Variants in IGSF11 observed in about 807,000 individuals in gnomAD.
The protein encoded by IGSF11 is CXADR like 1.
Under a neutral mutation model 41.0 loss-of-function variants are expected in IGSF11, and 22 were observed. The observed-to-expected ratio is 0.54, with a 90% CI of 0.38 to 0.77. The LOEUF is 0.77. IGSF11 is among the 30% of genes least tolerant of loss of function. The pLI is 0.00. For missense variants in IGSF11, 444 were observed against 530.8 expected (o/e 0.84, Z 1.61); for synonymous variants, 219 against 201.3 (o/e 1.09, Z -0.74).
chr3:119,005,311 G>C (rs549099814), intron 1 of IGSF11, among the ~76,000 whole-genome samples: 137 of 148,368 alleles, frequency 9.2e-4, no homozygotes, highest in South Asian at 5.6e-3. Context: ...TTTTCCATTT[G>C]CTTGGTAGAT....
At chr3:119,086,665 T>C (rs2076680123) in intron 1 of IGSF11, among the ~76,000 whole-genome samples, 1 of 152,066 alleles carries the variant, frequency 6.6e-6, no homozygotes, top group Non-Finnish European at 1.5e-5. Context: ...CCCACCAAAC[T>C]AAACTTCATG....
intron 1 of IGSF11, among the ~76,000 whole-genome samples, chr3:119,047,368 T>A (rs1227858903): frequency 6.6e-6 from 1 of 152,092 alleles, no homozygotes; most frequent in African/African-American, 2.4e-5. Flanking sequence ...TAAAACAGAC[T>A]TTAAACCAAC....
intron 1 of IGSF11, among the ~76,000 whole-genome samples, chr3:118,932,499 GATAGAAC>G (rs1277247611): frequency 6.6e-6 from 1 of 152,168 alleles, no homozygotes; most frequent in Non-Finnish European, 1.5e-5. Context: ...AACTGTCTGT[GATAGAAC>G]ATAAAGCATT....
At chr3:119,040,082 G>T (rs1941063455) in intron 1 of IGSF11, among the ~76,000 whole-genome samples, 1 of 152,162 alleles carries the variant, frequency 6.6e-6, no homozygotes, top group Admixed American at 6.5e-5. Context: ...AGAAATTATG[G>T]TTTAGGAGTC....
chr3:118,970,239 G>C (rs972738871), intron 1 of IGSF11, among the ~76,000 whole-genome samples: 4 of 152,156 alleles, frequency 2.6e-5, no homozygotes, highest in African/African-American at 9.7e-5. Flanking sequence ...TGCAGTAAGA[G>C]ATATGCTACG....
chr3:118,924,367 T>C (rs1323982243), intron 4 of IGSF11, among the ~76,000 whole-genome samples: 1 of 149,586 alleles, frequency 6.7e-6, no homozygotes, highest in Non-Finnish European at 1.5e-5. Flanking sequence ...ACATAATTAG[T>C]AAAGTAAATC....
At chr3:118,911,196 A>G (rs1018873794) in intron 4 of IGSF11, among the ~76,000 whole-genome samples, 1 of 152,168 alleles carries the variant, frequency 6.6e-6, no homozygotes, top group African/African-American at 2.4e-5. Flanking sequence ...TTGACATTTA[A>G]TCTTTTAAAA....
intron 1 of IGSF11, among the ~76,000 whole-genome samples, chr3:119,000,248 A>G (rs764810859): frequency 4.0e-5 from 6 of 149,476 alleles, no homozygotes; most frequent in Non-Finnish European, 7.4e-5. Context: ...TTCCACACTC[A>G]TATTATTTGA....
intron 1 of IGSF11, among the ~76,000 whole-genome samples, chr3:119,004,675 T>C (rs28789508): frequency 0.35 from 51,014 of 146,350 alleles, 10,369 homozygotes; most frequent in African/African-American, 0.58. Flanking sequence ...TTTGTTCTCG[T>C]TGGTTTCAAA....
chr3:119,018,663 C>T (rs1445407056), intron 1 of IGSF11, among the ~76,000 whole-genome samples: 2 of 152,228 alleles, frequency 1.3e-5, no homozygotes, highest in Non-Finnish European at 1.5e-5. Flanking sequence ...ACTCATCTAT[C>T]TCACGGGCTT....
At chr3:118,922,037 A>C (rs1285254135) in intron 4 of IGSF11, among the ~76,000 whole-genome samples, 1 of 151,950 alleles carries the variant, frequency 6.6e-6, no homozygotes, top group Non-Finnish European at 1.5e-5. Context: ...GAAAAAAAAA[A>C]CCCATAGGCC....
At chr3:118,920,108 G>A (rs1384919272) in intron 4 of IGSF11, among the ~76,000 whole-genome samples, 1 of 124,148 alleles carries the variant, frequency 8.1e-6, no homozygotes, top group African/African-American at 3.0e-5. Context: ...TGGGGACTGT[G>A]GTGGGGTGGG....
chr3:118,922,766 C>T (rs79583417), intron 4 of IGSF11, among the ~76,000 whole-genome samples: 2 of 152,078 alleles, frequency 1.3e-5, no homozygotes, highest in African/African-American at 4.8e-5. Context: ...AAGATTAAGA[C>T]CCCAGCAGAT....
intron 1 of IGSF11, among the ~76,000 whole-genome samples, chr3:119,113,368 A>C (rs115013461): frequency 0.021 from 3,185 of 152,324 alleles, 137 homozygotes; most frequent in African/African-American, 0.073. Context: ...TACAAGATAC[A>C]ATGAGGATAT....
chr3:118,975,334 G>A (rs1329330619), intron 1 of IGSF11, among the ~76,000 whole-genome samples: 2 of 145,660 alleles, frequency 1.4e-5, no homozygotes, highest in Non-Finnish European at 3.0e-5. Context: ...TACCATATGT[G>A]ACAAATAAAT....
intron 1 of IGSF11, among the ~76,000 whole-genome samples, chr3:119,075,019 C>A (rs893148338): frequency 2.0e-5 from 3 of 152,096 alleles, no homozygotes; most frequent in Non-Finnish European, 4.4e-5. Flanking sequence ...ATGCAAAAAA[C>A]CATACAAAGG....
chr3:119,019,484 T>C (rs1417639816), intron 1 of IGSF11, among the ~76,000 whole-genome samples: 2 of 151,334 alleles, frequency 1.3e-5, no homozygotes, highest in Non-Finnish European at 2.9e-5. Context: ...AAGAAACCTC[T>C]AGATTTCTCT....
chr3:118,916,396 A>G (rs1941097424), intron 4 of IGSF11, among the ~76,000 whole-genome samples: 1 of 152,128 alleles, frequency 6.6e-6, no homozygotes, highest in African/African-American at 2.4e-5. Context: ...GGCTCAAAAT[A>G]AAAGGATGGA....
chr3:119,022,032 A>C (rs1421303149), intron 1 of IGSF11, among the ~76,000 whole-genome samples: 2 of 152,210 alleles, frequency 1.3e-5, no homozygotes, highest in Admixed American at 1.3e-4. Flanking sequence ...AAGAAGCCCA[A>C]GTATCCGTCA....
Sources: gnomAD v4.1 joint callset for allele counts (sites outside exome capture counted in the v4.1 genomes callset) on GRCh38, gnomAD v4.1.1 for gene constraint, MANE v1.5 for transcripts, NCBI Gene and HGNC (gene_info 2026-07-23, HGNC 2026-07-21) for gene names.